DAB1: variants seen among roughly 807,000 people sequenced by gnomAD.
The protein encoded by DAB1 is DAB adaptor protein 1.
DAB1 carries 15 observed loss-of-function variants against 64.6 expected under a neutral mutation model. The ratio of observed to expected loss-of-function variants is 0.23; its 90% CI spans 0.16 to 0.36. The LOEUF is 0.36. Ranked by LOEUF, DAB1 falls within the 10% of genes least tolerant of loss-of-function variation. DAB1 has a pLI of 1.00. For synonymous variants in DAB1, 235 were observed against 251.9 expected (o/e 0.93, Z 0.64); for missense variants, 596 against 706.7 (o/e 0.84, Z 1.78).
intron 5 of DAB1, among the ~76,000 whole-genome samples, chr1:57,928,923 T>C (rs77352449): frequency 0.013 from 1,926 of 152,348 alleles, 48 homozygotes; most frequent in African/African-American, 0.045. Context: ...TTTGTGTGAC[T>C]GTGTGTTTTC....
At chr1:57,145,705 A>G (rs1468464049) in intron 2 of DAB1, among the ~76,000 whole-genome samples, 1 of 152,250 alleles carries the variant, frequency 6.6e-6, no homozygotes, top group East Asian at 1.9e-4. Context: ...ATTATGATAA[A>G]TAAATCAGAT....
At chr1:57,394,968 A>T (rs1049574445) in intron 1 of DAB1, among the ~76,000 whole-genome samples, 1 of 152,220 alleles carries the variant, frequency 6.6e-6, no homozygotes, top group African/African-American at 2.4e-5. Flanking sequence ...ATCATTAAAA[A>T]TTGGTTGTTT....
chr1:57,949,168 G>A (rs1037780296), intron 5 of DAB1, among the ~76,000 whole-genome samples: 10 of 152,184 alleles, frequency 6.6e-5, no homozygotes, highest in Admixed American at 3.3e-4. Context: ...TTCCATGGGG[G>A]GGGCTGGGGG....
At chr1:58,126,184 C>A (rs933855071) in intron 5 of DAB1, among the ~76,000 whole-genome samples, 4 of 152,206 alleles carry the variant, frequency 2.6e-5, no homozygotes, top group African/African-American at 9.6e-5. Context: ...AAAGAACCCA[C>A]TTGGCATGGC....
At chr1:58,440,201 C>T (rs534542073) in intron 3 of DAB1, among the ~76,000 whole-genome samples, 3 of 152,194 alleles carry the variant, frequency 2.0e-5, no homozygotes, top group African/African-American at 4.8e-5. Context: ...ACTTTCATGC[C>T]GGGCTTCACC....
At chr1:57,902,104 C>T (rs1194471644) in intron 5 of DAB1, among the ~76,000 whole-genome samples, 1 of 150,162 alleles carries the variant, frequency 6.7e-6, no homozygotes, top group Non-Finnish European at 1.5e-5. Flanking sequence ...TTGCCGTGAG[C>T]CAAGATAACA....
At chr1:58,066,422 T>C (rs1231574685) in intron 5 of DAB1, among the ~76,000 whole-genome samples, 2 of 152,252 alleles carry the variant, frequency 1.3e-5, no homozygotes, top group Non-Finnish European at 2.9e-5. Flanking sequence ...TGGATTTAAT[T>C]AACCAAAACC....
chr1:57,526,215 C>T (rs545704753), intron 7 of DAB1, among the ~76,000 whole-genome samples: 5 of 152,240 alleles, frequency 3.3e-5, no homozygotes, highest in African/African-American at 7.2e-5. Flanking sequence ...GCATTACAGG[C>T]GTGAGCCACT....
intron 2 of DAB1, among the ~76,000 whole-genome samples, chr1:58,522,176 G>A (rs970332086): frequency 6.6e-6 from 1 of 152,088 alleles, no homozygotes; most frequent in African/African-American, 2.4e-5. Context: ...GAAAATGCAG[G>A]GGGAAGGAGA....
At chr1:57,369,799 C>G (rs1233274792) in intron 1 of DAB1, among the ~76,000 whole-genome samples, 3 of 152,144 alleles carry the variant, frequency 2.0e-5, no homozygotes, top group Non-Finnish European at 4.4e-5. Context: ...AGACCTAGTG[C>G]TCAAGAAAGG....
chr1:57,042,074 A>T (rs867779406), intron 9 of DAB1, among the ~76,000 whole-genome samples: 54 of 152,132 alleles, frequency 3.5e-4, no homozygotes, highest in African/African-American at 1.3e-3. Context: ...GTAACAAGGA[A>T]ACAGGCTCAA....
chr1:57,105,779 CTTT>C (rs1425811574), intron 4 of DAB1, among the ~76,000 whole-genome samples: 2 of 152,226 alleles, frequency 1.3e-5, no homozygotes, highest in Non-Finnish European at 2.9e-5. Context: ...ACGTTTTCTT[CTTT>C]TATTTCCTTT....
Position 58,270,340 on chromosome 1 carries a change from C to T in DAB1, n.309+73012G>A, listed in dbSNP as rs567270147. On this transcript the variant is annotated intron_variant and non_coding_transcript_variant, in intron 4 of 20. Transcript: ENST00000485760. ...CAAAGATCACATAGTTGTAGATATG[C>T]GGCGTTATTTCTGAGGGCTCTGTTC... Among the ~76,000 whole-genome samples the T allele has an allele frequency of 2.1e-3, 306 of 147,854 alleles. 1 individual carries two copies. Among genetic ancestry groups the T allele is most frequent in the African/African-American group, 7.1e-3 (279 of 39,282 alleles).
At chr1:57,333,968 C>T (rs1296874213) in intron 1 of DAB1, among the ~76,000 whole-genome samples, 1 of 152,044 alleles carries the variant, frequency 6.6e-6, no homozygotes, top group Non-Finnish European at 1.5e-5. Context: ...GGGACAGAGA[C>T]AAGGGTTGGA....
intron 7 of DAB1, among the ~76,000 whole-genome samples, chr1:57,635,799 A>T: frequency 6.6e-6 from 1 of 152,198 alleles, no homozygotes; most frequent in African/African-American, 2.4e-5. Context: ...CTAATCTAAT[A>T]AAACTGGTGT....
At chr1:58,124,660 AAG>A (rs1166442231) in intron 5 of DAB1, among the ~76,000 whole-genome samples, 10 of 152,234 alleles carry the variant, frequency 6.6e-5, no homozygotes, top group African/African-American at 2.4e-4. Flanking sequence ...TATACAAGGA[AAG>A]AGTCTAGCAT....
chr1:57,534,106 T>G (rs1644697411), intron 7 of DAB1, among the ~76,000 whole-genome samples: 1 of 152,138 alleles, frequency 6.6e-6, no homozygotes. Context: ...CCATTCATTC[T>G]GCAATAATGT....
chr1:57,440,959 T>A (rs1685919098), intron 7 of DAB1, among the ~76,000 whole-genome samples: 1 of 152,146 alleles, frequency 6.6e-6, no homozygotes, highest in Non-Finnish European at 1.5e-5. Flanking sequence ...GGGGTAGAGA[T>A]CCTGTCATCC....
intron 3 of DAB1, among the ~76,000 whole-genome samples, chr1:58,407,444 C>T (rs1644626913): frequency 6.6e-6 from 1 of 152,172 alleles, no homozygotes; most frequent in African/African-American, 2.4e-5. Flanking sequence ...AATGAAACTT[C>T]AATACCAAGG....
Sources: allele counts gnomAD v4.1 joint callset (sites outside exome capture counted in the v4.1 genomes callset), GRCh38; gene constraint gnomAD v4.1.1; transcripts MANE v1.5; gene names NCBI Gene and HGNC (gene_info 2026-07-23, HGNC 2026-07-21).